PCDHGB2: variants seen among roughly 807,000 people sequenced by gnomAD.
PCDHGB2 encodes protocadherin gamma-B2.
A neutral mutation model predicts 59.3 loss-of-function variants in PCDHGB2; 55 were observed. The observed-to-expected ratio is 0.93, with a 90% CI of 0.75 to 1.16. PCDHGB2 has a LOEUF of 1.16. Ranked by LOEUF, PCDHGB2 falls within the 50% of genes most tolerant of loss-of-function variation. PCDHGB2 has a pLI of 0.00. For synonymous variants in PCDHGB2, 516 were observed against 512.0 expected, an observed-to-expected ratio of 1.01 and a Z score of -0.11; for missense variants, 1,228 against 1,198.5, an observed-to-expected ratio of 1.02 and a Z score of -0.36.
intron 1 of PCDHGB2, chr5:141,402,901 T>C: frequency 1.3e-6 from 2 of 1,520,230 alleles, no homozygotes; most frequent in Non-Finnish European, 1.8e-6. Flanking sequence ...AAGAACCTGA[T>C]GAAGCAGCGC....
chr5:141,410,623 G>A (rs2154543147), intron 1 of PCDHGB2: 1 of 1,603,052 alleles, frequency 6.2e-7, no homozygotes, highest in Non-Finnish European at 8.5e-7. Flanking sequence ...TGACTTCGGT[G>A]AGTTTCTCTT....
rs1431906047 is a variant in PCDHGB2, at chr5:141,485,858, C to T, written c.2422-8949C>T. On this transcript the variant is annotated intron_variant, in intron 1 of 3. Transcript: ENST00000522605. This position sits in a 1 kb window ranked among gnomAD's most constrained non-coding sequence, Gnocchi z 5.7. ...GCCGAGATCTGGCACCGCAGAGCTC[C>T]GGGTATCCGTGCTGGACGTAAACGA... The T allele has an allele frequency of 1.9e-6, 3 of 1,614,162 alleles. No individual in the cohort carries two copies. The highest frequency in any genetic ancestry group is 2.5e-6 in the Non-Finnish European group (3 of 1,180,028).
chr5:141,443,317 CA>C (rs35054295), intron 1 of PCDHGB2, among the ~76,000 whole-genome samples: 28 of 142,048 alleles, frequency 2.0e-4, no homozygotes, highest in Non-Finnish European at 2.6e-4. Flanking sequence ...CCCATCTCTA[CA>C]AAAAAAAAAA....
Position 141,431,704 on chromosome 5 carries a change from C to T in PCDHGB2, c.2422-63103C>T. On this transcript the variant is annotated intron_variant, in intron 1 of 3. Transcript: ENST00000522605. The surrounding 1 kb of genome is among the most constrained non-coding windows in gnomAD (Gnocchi z 4.8). ...TGGACCACGAGGAGTCAGGATTCTA[C>T]CAGATGGAAGTGCAAGCAATGGATA... 1 of 1,614,194 alleles carries T rather than the reference C, an allele frequency of 6.2e-7. No homozygotes were observed. The highest frequency in any genetic ancestry group is 8.5e-7 in the Non-Finnish European group (1 of 1,180,036).
chr5:141,452,358 T>C (rs2098739424), intron 1 of PCDHGB2, among the ~76,000 whole-genome samples: 1 of 152,236 alleles, frequency 6.6e-6, no homozygotes, highest in African/African-American at 2.4e-5. Context: ...CCAAAAGCCT[T>C]GCTTCATTTT....
intron 1 of PCDHGB2, chr5:141,371,141 C>A: frequency 2.2e-5 from 35 of 1,613,982 alleles, no homozygotes; most frequent in Non-Finnish European, 2.8e-5. Context: ...TGTACAGGGT[C>A]AATGTTGCAG....
rs1554116833 is a variant in PCDHGB2, at chr5:141,423,756, G to GGT, written c.2421+61201_2421+61202insTG. 2.2e-4 allele frequency: 100 copies of GGT among 448,536 alleles called. 2 individuals carry two copies. The highest frequency in any genetic ancestry group is 2.1e-3 in the African/African-American group (74 of 35,668). The allele number at this position is 448,536 out of a possible 1,614,324, so 27.8% of individuals were successfully genotyped here. On this transcript the variant is annotated intron_variant, in intron 1 of 3. Coordinates refer to ENST00000522605, the MANE Select transcript of PCDHGB2 (RefSeq NM_018923.3). ...GCCTGTTATGAAAACTGTTTGGGGG[G>GGT]GGGGTGGGGCGGCATATATTTAGTT...
intron 1 of PCDHGB2, chr5:141,374,849 C>T: frequency 6.2e-7 from 1 of 1,613,754 alleles, no homozygotes; most frequent in Non-Finnish European, 8.5e-7. Context: ...TGAAAACCTG[C>T]CAGTAGGCAC....
At chr5:141,437,463 AC>A (rs2097887109) in intron 1 of PCDHGB2, among the ~76,000 whole-genome samples, 1 of 152,184 alleles carries the variant, frequency 6.6e-6, no homozygotes, top group Non-Finnish European at 1.5e-5. Flanking sequence ...ACTATACTAT[AC>A]TTTTATAGCA....
intron 1 of PCDHGB2, chr5:141,475,986 G>T: frequency 2.8e-6 from 3 of 1,089,866 alleles, no homozygotes; most frequent in Non-Finnish European, 3.9e-6. Context: ...CAGCCGGCGA[G>T]CAAATCAACG....
At chr5:141,387,707 C>A (rs1441500005) in intron 1 of PCDHGB2, 1 of 994,952 alleles carries the variant, frequency 1.0e-6, no homozygotes, top group Non-Finnish European at 1.5e-6. Flanking sequence ...CAGGGCAGCC[C>A]CAGCTCAGAC....
Position 141,485,096 on chromosome 5 carries a change from CCAG to C in PCDHGB2, c.2422-9709_2422-9707del. The C allele has an allele frequency of 8.9e-7, 1 of 1,125,684 alleles. No homozygotes were observed. The highest frequency in any genetic ancestry group is 1.3e-6 in the Non-Finnish European group (1 of 759,466). 69.7% of individuals were successfully genotyped at this position (1,125,684 alleles called of 1,614,324 possible). A position where few individuals can be genotyped will look rare whatever the true frequency, so the allele number is the denominator to read the frequency against. ...CGCGGGGAAAGGGAGATAGGTGTCTCCAGCTGCTGTGGCTGTTTGGGGCGGGTC... is the reference window on the plus strand; with the variant it reads ...CGCGGGGAAAGGGAGATAGGTGTCTCCTGCTGTGGCTGTTTGGGGCGGGTC... On this transcript the variant is annotated intron_variant, in intron 1 of 3. Transcript: ENST00000522605. The surrounding 1 kb of genome is among the most constrained non-coding windows in gnomAD (Gnocchi z 5.7).
Position 141,477,966 on chromosome 5 carries a change from G to A in PCDHGB2, c.2422-16841G>A, listed in dbSNP as rs2099426792. 6.2e-7 allele frequency: 1 copy of A among 1,614,118 alleles called. No individual in the cohort carries two copies. The highest frequency in any genetic ancestry group is 8.5e-7 in the Non-Finnish European group (1 of 1,180,036). ...AGTCTCTTGGGATCCCCTAACCAGAGCCTTTTTGCCATAGGGCTGCACACT... is the reference window on the plus strand; with the variant it reads ...AGTCTCTTGGGATCCCCTAACCAGAACCTTTTTGCCATAGGGCTGCACACT... On this transcript the variant is annotated intron_variant, in intron 1 of 3. Transcript: ENST00000522605. This position sits in a 1 kb window ranked among gnomAD's most constrained non-coding sequence, Gnocchi z 4.9.
At chr5:141,427,450 C>A in intron 1 of PCDHGB2, 1 of 486,442 alleles carries the variant, frequency 2.1e-6, no homozygotes, top group Non-Finnish European at 4.0e-6. Context: ...GAAAGAGTTC[C>A]TTTTAGAATC....
intron 2 of PCDHGB2, among the ~76,000 whole-genome samples, chr5:141,500,985 C>T (rs2099804537): frequency 6.6e-6 from 1 of 152,048 alleles, no homozygotes; most frequent in Non-Finnish European, 1.5e-5. Flanking sequence ...TCTCCTGCCT[C>T]AGCCTCCTGA....
chr5:141,478,164 C>T, intron 1 of PCDHGB2: 1 of 1,614,010 alleles, frequency 6.2e-7, no homozygotes, highest in Non-Finnish European at 8.5e-7. Context: ...GGCTCTGCCC[C>T]CCGGGAGCAG....
intron 1 of PCDHGB2, among the ~76,000 whole-genome samples, chr5:141,469,187 G>T (rs147209381): frequency 5.9e-5 from 9 of 151,588 alleles, no homozygotes; most frequent in African/African-American, 1.9e-4. Context: ...GAGGCAAGAG[G>T]ATTGCTTGAG....
intron 2 of PCDHGB2, among the ~76,000 whole-genome samples, chr5:141,504,141 T>C (rs1289360763): frequency 6.6e-6 from 1 of 152,192 alleles, no homozygotes; most frequent in East Asian, 1.9e-4. Flanking sequence ...AACACTCCCC[T>C]GCAAATTGAA....
intron 1 of PCDHGB2, chr5:141,418,621 C>T: frequency 6.2e-7 from 1 of 1,614,034 alleles, no homozygotes; most frequent in Non-Finnish European, 8.5e-7. Flanking sequence ...TTCGGGAAGA[C>T]GTGCCTCCAG....
Sources: gnomAD v4.1 joint callset for allele counts (sites outside exome capture counted in the v4.1 genomes callset) on GRCh38, gnomAD v4.1.1 for gene constraint, Gnocchi (gnomAD v3.1) non-coding constraint, MANE v1.5 for transcripts, NCBI Gene and HGNC (gene_info 2026-07-23, HGNC 2026-07-21) for gene names.